Variants in KAZN observed in about 807,000 individuals in gnomAD.
The protein encoded by KAZN is kazrin.
Under a neutral mutation model 87.4 loss-of-function variants are expected in KAZN, and 40 were observed. The observed-to-expected ratio is 0.46, with a 90% CI of 0.36 to 0.60. The LOEUF (loss-of-function observed/expected upper bound fraction) is 0.60. Among genes scored for constraint, KAZN ranks in the 20% least tolerant of loss-of-function variants. The probability of loss-of-function intolerance (pLI) is 0.00; values close to 1 mark genes in which losing one functional copy is unlikely to be tolerated. For missense variants in KAZN, 898 were observed against 1,073.9 expected (o/e 0.84, Z 2.29); for synonymous variants, 466 against 458.3 (o/e 1.02, Z -0.22).
At position 15,116,810 on chromosome 1, in the gene KAZN, G is replaced by A. The variant is rs1641858342; in HGVS notation, c.*2175G>A. On this transcript the variant is annotated 3_prime_UTR_variant, in exon 15 of 15. Transcript: ENST00000376030. The stretch of plus-strand genomic sequence containing the variant: ...AACGTTCACCCAACTTGTCAGAAAT[G>A]GCACTTACATGGTTCGATCTTGCTG... 6.6e-6 allele frequency: 1 copy of A among 152,242 alleles called. No individual in the cohort carries two copies. Among genetic ancestry groups the A allele is most frequent in the South Asian group, 2.1e-4 (1 of 4,830 alleles). The allele number at this position is 152,242 out of a possible 1,614,324, so 9.4% of individuals were successfully genotyped here. A position where few individuals can be genotyped will look rare whatever the true frequency, so the allele number is the denominator to read the frequency against.
intron 1 of KAZN, among the ~76,000 whole-genome samples, chr1:14,941,734 C>T (rs986483197): frequency 3.3e-5 from 5 of 152,210 alleles, no homozygotes; most frequent in Non-Finnish European, 5.9e-5. Flanking sequence ...TCATGAATGC[C>T]GAAAGCTGAA....
intron 2 of KAZN, among the ~76,000 whole-genome samples, chr1:14,387,626 G>A (rs895175807): frequency 7.9e-5 from 12 of 152,152 alleles, no homozygotes; most frequent in African/African-American, 1.9e-4. Flanking sequence ...TAGGCTGCTC[G>A]GGGTTCAGGG....
At chr1:14,920,769 C>G (rs546802048) in intron 1 of KAZN, among the ~76,000 whole-genome samples, 1 of 152,150 alleles carries the variant, frequency 6.6e-6, no homozygotes, top group African/African-American at 2.4e-5. Flanking sequence ...CAGAAGCTGG[C>G]TCTGCAAAGG....
chr1:14,252,668 TAAAC>T (rs1650155501), intron 2 of KAZN, among the ~76,000 whole-genome samples: 1 of 152,234 alleles, frequency 6.6e-6, no homozygotes, highest in Non-Finnish European at 1.5e-5. Flanking sequence ...TTCAAATGCT[TAAAC>T]AAATCTTTAG....
At chr1:14,498,386 G>A (rs959936172) in intron 2 of KAZN, among the ~76,000 whole-genome samples, 3 of 152,192 alleles carry the variant, frequency 2.0e-5, no homozygotes, top group Admixed American at 6.5e-5. Context: ...TAGCTGGGAA[G>A]ATGCCAAAGA....
intron 1 of KAZN, among the ~76,000 whole-genome samples, chr1:14,787,557 A>G (rs779473153): frequency 6.6e-6 from 1 of 152,268 alleles, no homozygotes; most frequent in Non-Finnish European, 1.5e-5. Flanking sequence ...TGTCAAGTGC[A>G]TAGTGAATTA....
chr1:14,154,266 TG>T (rs1386312136), intron 1 of KAZN, among the ~76,000 whole-genome samples: 2 of 152,206 alleles, frequency 1.3e-5, no homozygotes, highest in Non-Finnish European at 2.9e-5. Flanking sequence ...CTATTATAAA[TG>T]GGATTTTTAA....
chr1:14,084,906 G>A (rs1321423047), intron 1 of KAZN, among the ~76,000 whole-genome samples: 5 of 152,122 alleles, frequency 3.3e-5, no homozygotes, highest in Non-Finnish European at 7.4e-5. Context: ...GTGTGTATAT[G>A]TGTGTGCATA....
At chr1:14,236,515 A>C (rs887634314) in intron 2 of KAZN, among the ~76,000 whole-genome samples, 1 of 152,142 alleles carries the variant, frequency 6.6e-6, no homozygotes, top group Non-Finnish European at 1.5e-5. Context: ...TACTTCATGC[A>C]CTGACCAGGA....
chr1:15,029,713 T>C (rs1314525952), intron 2 of KAZN, among the ~76,000 whole-genome samples: 3 of 152,182 alleles, frequency 2.0e-5, no homozygotes, highest in Non-Finnish European at 4.4e-5. Context: ...AGTTTGGTTC[T>C]CATGGAGATG....
chr1:14,705,294 C>CTT, intron 1 of KAZN, among the ~76,000 whole-genome samples: 2 of 152,260 alleles, frequency 1.3e-5, no homozygotes, highest in Admixed American at 1.3e-4. Context: ...CTTTAAAGGC[C>CTT]TTATGTCCAA....
chr1:14,890,937 G>A (rs1309436004), intron 1 of KAZN, among the ~76,000 whole-genome samples: 4 of 143,570 alleles, frequency 2.8e-5, no homozygotes, highest in Non-Finnish European at 6.0e-5. Context: ...TCTGCCTCCC[G>A]GGTTCACGCC....
At chr1:15,003,734 C>T (rs1668731700) in intron 2 of KAZN, among the ~76,000 whole-genome samples, 1 of 152,132 alleles carries the variant, frequency 6.6e-6, no homozygotes, top group Non-Finnish European at 1.5e-5. Flanking sequence ...TTCCTTGTCT[C>T]TCAGCTCAGG....
chr1:14,020,472 A>G (rs1640772934), intron 1 of KAZN, among the ~76,000 whole-genome samples: 1 of 152,220 alleles, frequency 6.6e-6, no homozygotes, highest in Non-Finnish European at 1.5e-5. Context: ...GTACAGGATG[A>G]ACAAAAAGTC....
At chr1:14,423,337 G>C (rs895775681) in intron 2 of KAZN, among the ~76,000 whole-genome samples, 2 of 152,110 alleles carry the variant, frequency 1.3e-5, no homozygotes, top group African/African-American at 4.8e-5. Flanking sequence ...TATTTTTCAG[G>C]GGGTCATCAC....
chr1:14,104,286 G>C (rs1156852790), intron 1 of KAZN, among the ~76,000 whole-genome samples: 1 of 152,194 alleles, frequency 6.6e-6, no homozygotes, highest in Non-Finnish European at 1.5e-5. Flanking sequence ...GAGGAGGTCT[G>C]TCCTCAACTC....
chr1:14,691,612 G>A lies in KAZN; in HGVS notation c.226+92389G>A, dbSNP rs1391107924. On this transcript the variant is annotated intron_variant, in intron 1 of 14. Coordinates refer to ENST00000376030, the MANE Select transcript of KAZN (RefSeq NM_201628.3). ...AGTGATTCTCCTGCCTCAGCCTCCC[G>A]AGTAGCTGGGATCACAGGTGCACAC... Among the ~76,000 whole-genome samples the A allele has an allele frequency of 2.6e-5, 4 of 151,976 alleles. No homozygotes were observed. The East Asian group carries it at 7.7e-4, about 29-fold the overall frequency.
chr1:14,853,867 C>T (rs1031003986), intron 1 of KAZN, among the ~76,000 whole-genome samples: 3 of 152,112 alleles, frequency 2.0e-5, no homozygotes, highest in Admixed American at 2.0e-4. Flanking sequence ...TGATGGGGAA[C>T]GGTGGCCTGT....
intron 1 of KAZN, among the ~76,000 whole-genome samples, chr1:13,915,282 AC>A (rs1639805438): frequency 1.3e-5 from 2 of 152,202 alleles, no homozygotes; most frequent in South Asian, 4.1e-4. Flanking sequence ...CCTGGGGACC[AC>A]GGGACTTTTA....
Sources: gnomAD v4.1 joint callset for allele counts (sites outside exome capture counted in the v4.1 genomes callset) on GRCh38, gnomAD v4.1.1 for gene constraint, MANE v1.5 for transcripts, NCBI Gene and HGNC (gene_info 2026-07-23, HGNC 2026-07-21) for gene names.